The following C3orf85 variants were observed in gnomAD, a reference collection of about 807,000 sequenced individuals.
C3orf85 encodes uncharacterized protein C3orf85.
C3orf85 carries 1 observed loss-of-function variant against 1.7 expected under a neutral mutation model. The observed-to-expected ratio is 0.60, with a 90% CI of 0.21 to 2.86. The LOEUF is 2.86. Ranked by LOEUF, C3orf85 falls within the 30% of genes most tolerant of loss-of-function variation. The probability of loss-of-function intolerance (pLI) is 0.22; values close to 1 mark genes in which losing one functional copy is unlikely to be tolerated. For synonymous variants in C3orf85, 17 were observed against 8.0 expected (o/e 2.13, Z -1.90); for missense variants, 29 against 21.3 (o/e 1.36, Z -0.72).
At chr3:109,143,995 G>C (rs2107834899) in intron 2 of C3orf85, among the ~76,000 whole-genome samples, 1 of 152,258 alleles carries the variant, frequency 6.6e-6, no homozygotes, top group East Asian at 1.9e-4. Context: ...ACTATGATGT[G>C]AGTAAAAAAA....
Position 109,151,287 on chromosome 3 carries a change from T to A in C3orf85, c.*1393T>A, listed in dbSNP as rs1306707899. Among the ~76,000 whole-genome samples, 5 of 152,178 alleles carry A rather than the reference T, an allele frequency of 3.3e-5. No individual in the cohort carries two copies. The highest frequency in any genetic ancestry group is 7.3e-5 in the Non-Finnish European group (5 of 68,032). Reference sequence around the variant, plus strand: ...ATTCTTTAATTATTTAATAAAAAATTGAGAATGTCTGTGTATTAGGGTTCT... The same window carrying A: ...ATTCTTTAATTATTTAATAAAAAATAGAGAATGTCTGTGTATTAGGGTTCT... On this transcript the variant is annotated 3_prime_UTR_variant, in exon 4 of 4. Coordinates refer to ENST00000622536, the MANE Select transcript of C3orf85 (RefSeq NM_001351622.2).
Position 109,150,683 on chromosome 3 carries a change from C to A in C3orf85, c.*789C>A, listed in dbSNP as rs1440929763. 6.6e-6 allele frequency among the ~76,000 whole-genome samples: 1 copy of A among 152,086 alleles called. No individual in the cohort carries two copies. The highest frequency in any genetic ancestry group is 1.5e-5 in the Non-Finnish European group (1 of 68,022). On this transcript the variant is annotated 3_prime_UTR_variant, in exon 4 of 4. Transcript: ENST00000622536. ...AACTTTCCTAATATTCATGGATTACCACCTCAGTTTGAGAAGCATTGAGAT... is the reference window on the plus strand; with the variant it reads ...AACTTTCCTAATATTCATGGATTACAACCTCAGTTTGAGAAGCATTGAGAT...
intron 2 of C3orf85, among the ~76,000 whole-genome samples, chr3:109,138,706 A>G (rs1404068323): frequency 3.9e-5 from 6 of 152,172 alleles, no homozygotes; most frequent in African/African-American, 1.4e-4. Flanking sequence ...GCCAAAAACA[A>G]TGAAAGGCCT....
At chr3:109,147,050 G>GGCTTT (rs1307490997) in intron 2 of C3orf85, among the ~76,000 whole-genome samples, 1 of 152,002 alleles carries the variant, frequency 6.6e-6, no homozygotes, top group African/African-American at 2.4e-5. Context: ...TTAAGATACT[G>GGCTTT]AAACACATCA....
intron 2 of C3orf85, among the ~76,000 whole-genome samples, chr3:109,139,382 G>A (rs72937339): frequency 0.087 from 13,203 of 152,136 alleles, 1,446 homozygotes; most frequent in African/African-American, 0.26. Flanking sequence ...GCAGAACCAG[G>A]ACACCACCAA....
intron 2 of C3orf85, 32 bp from the exon 3 acceptor site, chr3:109,148,221 A>G: frequency 1.4e-6 from 1 of 694,092 alleles, no homozygotes; most frequent in Non-Finnish European, 2.6e-6. Flanking sequence ...ATTGCTCTAA[A>G]AGATGCTGTG....
At chr3:109,142,496 T>C (rs757065423) in intron 2 of C3orf85, among the ~76,000 whole-genome samples, 11 of 152,188 alleles carry the variant, frequency 7.2e-5, no homozygotes, top group Non-Finnish European at 1.3e-4. Flanking sequence ...ACCCCAGATA[T>C]CAGTATTACC....
intron 1 of C3orf85, 27 bp downstream of exon 1, chr3:109,136,768 G>A: frequency 2.5e-6 from 1 of 400,724 alleles, no homozygotes; most frequent in Admixed American, 4.4e-5. Context: ...TTATACTTCT[G>A]AAAAGTACCT....
At chr3:109,148,451 G>T in intron 3 of C3orf85, 65 bp downstream of exon 3, 1 of 699,982 alleles carries the variant, frequency 1.4e-6, no homozygotes, top group South Asian at 1.5e-5. Flanking sequence ...TGCATTAGCT[G>T]ACCACTAATT....
chr3:109,139,959 C>A (rs1446640196), intron 2 of C3orf85, among the ~76,000 whole-genome samples: 1 of 152,222 alleles, frequency 6.6e-6, no homozygotes, highest in Non-Finnish European at 1.5e-5. Context: ...ACACACAACC[C>A]TGTCAGCATC....
chr3:109,144,107 A>G (rs972773103), intron 2 of C3orf85, among the ~76,000 whole-genome samples: 2 of 152,128 alleles, frequency 1.3e-5, no homozygotes, highest in African/African-American at 4.8e-5. Context: ...TATTGCCTAC[A>G]TTTTTTTAAA....
intron 2 of C3orf85, among the ~76,000 whole-genome samples, chr3:109,140,473 G>T (rs1706733082): frequency 6.6e-6 from 1 of 152,174 alleles, no homozygotes; most frequent in Admixed American, 6.5e-5. Context: ...TGACCAGGCT[G>T]GTCGGAGGTT....
chr3:109,138,218 TA>T (rs1706702342), intron 2 of C3orf85, among the ~76,000 whole-genome samples: 2 of 152,086 alleles, frequency 1.3e-5, no homozygotes, highest in Admixed American at 1.3e-4. Flanking sequence ...TAAAAAAAAA[TA>T]ATAAAGTTAT....
chr3:109,138,828 T>G (rs1406336796), intron 2 of C3orf85, among the ~76,000 whole-genome samples: 1 of 152,182 alleles, frequency 6.6e-6, no homozygotes, highest in Non-Finnish European at 1.5e-5. Context: ...GAAGTTCAAG[T>G]GTTGTGATTT....
chr3:109,143,939 T>G (rs1011804411), intron 2 of C3orf85, among the ~76,000 whole-genome samples: 3 of 152,178 alleles, frequency 2.0e-5, no homozygotes, highest in Middle Eastern at 3.2e-3. Flanking sequence ...GCAGAGGATA[T>G]TTAAGAAATG....
At chr3:109,146,029 C>T (rs1180447139) in intron 2 of C3orf85, among the ~76,000 whole-genome samples, 4 of 152,182 alleles carry the variant, frequency 2.6e-5, no homozygotes, top group African/African-American at 9.7e-5. Context: ...ATGACAGTAT[C>T]AAAATTGCTC....
At chr3:109,141,652 C>A (rs1288604191) in intron 2 of C3orf85, among the ~76,000 whole-genome samples, 6 of 152,214 alleles carry the variant, frequency 3.9e-5, no homozygotes, top group Non-Finnish European at 8.8e-5. Context: ...AAACACAACT[C>A]TTCTGTCTTG....
intron 3 of C3orf85, chr3:109,149,320 G>A (rs1355614395): frequency 6.6e-6 from 1 of 152,114 alleles, no homozygotes; most frequent in African/African-American, 2.4e-5. Context: ...GTCTTAACCG[G>A]TCTACCAGGA....
chr3:109,137,986 G>A (rs910104355), intron 2 of C3orf85, among the ~76,000 whole-genome samples: 1 of 152,074 alleles, frequency 6.6e-6, no homozygotes, highest in South Asian at 2.1e-4. Flanking sequence ...TTTAGAGGGG[G>A]TAACGGTGGT....
Sources: allele counts gnomAD v4.1 joint callset (sites outside exome capture counted in the v4.1 genomes callset), GRCh38; gene constraint gnomAD v4.1.1; transcripts MANE v1.5; gene names NCBI Gene and HGNC (gene_info 2026-07-23, HGNC 2026-07-21).